Variants in TRPM3 observed in about 807,000 individuals in gnomAD.
TRPM3 encodes long transient receptor potential channel 3.
A neutral mutation model predicts 181.2 loss-of-function variants in TRPM3; 77 were observed. The ratio of observed to expected loss-of-function variants is 0.42; its 90% confidence interval spans 0.35 to 0.51. The LOEUF is 0.51. Ranked by LOEUF, TRPM3 falls within the 20% of genes least tolerant of loss-of-function variation. The pLI, the probability that TRPM3 is intolerant of heterozygous loss-of-function variation, is 0.01. For synonymous variants in TRPM3, 745 were observed against 796.4 expected (o/e 0.94, Z 1.09); for missense variants, 1,759 against 2,196.7 (o/e 0.80, Z 3.98).
At chr9:71,279,069 A>AAAAC in intron 1 of TRPM3, among the ~76,000 whole-genome samples, 1 of 150,312 alleles carries the variant, frequency 6.7e-6, no homozygotes, top group South Asian at 2.1e-4. Flanking sequence ...AAATAAAAAA[A>AAAAC]CCACCAACGA....
At chr9:71,120,854 C>A (rs939610605) in intron 1 of TRPM3, among the ~76,000 whole-genome samples, 1 of 152,146 alleles carries the variant, frequency 6.6e-6, no homozygotes. Flanking sequence ...CTACTATTCC[C>A]ACCCTCCCAA....
At chr9:70,664,616 A>C (rs2061557033) in intron 9 of TRPM3, among the ~76,000 whole-genome samples, 1 of 149,164 alleles carries the variant, frequency 6.7e-6, no homozygotes, top group Admixed American at 6.7e-5. Flanking sequence ...CATGAGAGCC[A>C]CAACCACACC....
intron 1 of TRPM3, among the ~76,000 whole-genome samples, chr9:71,193,014 T>C (rs886301949): frequency 1.3e-5 from 2 of 151,938 alleles, no homozygotes; most frequent in Non-Finnish European, 2.9e-5. Flanking sequence ...GTATATATGG[T>C]GTATGTGTAA....
chr9:70,669,746 T>TA (rs2062559487), intron 9 of TRPM3, among the ~76,000 whole-genome samples: 1 of 128,194 alleles, frequency 7.8e-6, no homozygotes, highest in African/African-American at 3.3e-5. Context: ...TTCTTTCTTT[T>TA]CTTTTTTTTT....
At chr9:71,025,764 G>T (rs1460935654) in intron 1 of TRPM3, among the ~76,000 whole-genome samples, 1 of 152,176 alleles carries the variant, frequency 6.6e-6, no homozygotes, top group East Asian at 1.9e-4. Flanking sequence ...GTTCCTAAGA[G>T]CCTGCTCCAA....
chr9:70,645,569 T>C, intron 9 of TRPM3, among the ~76,000 whole-genome samples: 1 of 152,130 alleles, frequency 6.6e-6, no homozygotes, highest in East Asian at 1.9e-4. Context: ...CAAGGTGGAT[T>C]AAAGACTTAA....
chr9:70,806,057 T>G (rs901345061), intron 6 of TRPM3, among the ~76,000 whole-genome samples: 1 of 152,192 alleles, frequency 6.6e-6, no homozygotes, highest in African/African-American at 2.4e-5. Context: ...CCCTGCCTCG[T>G]TCCAGCAGGA....
chr9:70,950,718 G>A (rs2096988675), intron 1 of TRPM3, among the ~76,000 whole-genome samples: 1 of 152,088 alleles, frequency 6.6e-6, no homozygotes, highest in Non-Finnish European at 1.5e-5. Context: ...AAATTAAGAA[G>A]CCAAAAAGAC....
intron 3 of TRPM3, 45 bp downstream of exon 3, chr9:70,862,863 G>T: frequency 6.3e-7 from 1 of 1,593,038 alleles, no homozygotes. Context: ...CAGGACTTGA[G>T]ACTTGAGATA....
At chr9:71,142,000 C>A (rs1347492483) in intron 1 of TRPM3, among the ~76,000 whole-genome samples, 2 of 152,224 alleles carry the variant, frequency 1.3e-5, no homozygotes, top group African/African-American at 2.4e-5. Flanking sequence ...GTATATAATG[C>A]CCGAATGTTT....
At chr9:70,539,967 T>C (rs979302112) in intron 25 of TRPM3, among the ~76,000 whole-genome samples, 2 of 152,188 alleles carry the variant, frequency 1.3e-5, no homozygotes, top group Non-Finnish European at 2.9e-5. Context: ...CCCAAGTAGC[T>C]GGGACTATAG....
At chr9:70,848,774 G>A (rs564058260) in intron 3 of TRPM3, among the ~76,000 whole-genome samples, 986 of 31,058 alleles carry the variant, frequency 0.032, 125 homozygotes, top group Middle Eastern at 0.083. Context: ...TCAGGAGATC[G>A]AGACCATCCT....
intron 1 of TRPM3, among the ~76,000 whole-genome samples, chr9:71,361,825 T>C (rs929013012): frequency 1.3e-5 from 2 of 152,158 alleles, no homozygotes; most frequent in African/African-American, 2.4e-5. Context: ...GCTGGATTTA[T>C]TACAAGACTG....
intron 1 of TRPM3, among the ~76,000 whole-genome samples, chr9:71,301,313 A>T (rs1293609311): frequency 1.3e-5 from 2 of 152,154 alleles, no homozygotes; most frequent in Non-Finnish European, 2.9e-5. Context: ...AGATAGAAAG[A>T]TTTCCCTTCT....
chr9:71,321,483 T>C (rs2089217798), intron 1 of TRPM3, among the ~76,000 whole-genome samples: 1 of 152,184 alleles, frequency 6.6e-6, no homozygotes, highest in African/African-American at 2.4e-5. Context: ...ACTATGAATA[T>C]ACATAAATAT....
At chr9:70,737,694 G>A (rs2073045515) in intron 8 of TRPM3, among the ~76,000 whole-genome samples, 1 of 147,738 alleles carries the variant, frequency 6.8e-6, no homozygotes, top group Non-Finnish European at 1.5e-5. Context: ...CCATGCAAAT[G>A]GACACCAAAA....
chr9:70,997,309 C>A (rs1352759197), intron 1 of TRPM3, among the ~76,000 whole-genome samples: 1 of 152,150 alleles, frequency 6.6e-6, no homozygotes, highest in East Asian at 1.9e-4. Flanking sequence ...CGCTATTCTG[C>A]CTCAGCCTCC....
intron 1 of TRPM3, among the ~76,000 whole-genome samples, chr9:71,332,293 A>T (rs1298525620): frequency 6.6e-6 from 1 of 151,544 alleles, no homozygotes; most frequent in African/African-American, 2.4e-5. Context: ...ACTAGAAATA[A>T]TGCTTTTTTT....
intron 1 of TRPM3, among the ~76,000 whole-genome samples, chr9:71,167,838 A>G (rs1263835185): frequency 6.6e-6 from 1 of 152,232 alleles, no homozygotes; most frequent in East Asian, 1.9e-4. Context: ...TGCATTCTAC[A>G]GAAGAAAATT....
Sources: allele counts gnomAD v4.1 joint callset (sites outside exome capture counted in the v4.1 genomes callset), GRCh38; gene constraint gnomAD v4.1.1; transcripts MANE v1.5; gene names NCBI Gene and HGNC (gene_info 2026-07-23, HGNC 2026-07-21).